Variants in ASH1L observed in about 807,000 individuals in gnomAD.
The protein encoded by ASH1L is ASH1 like histone lysine methyltransferase.
In ASH1L, 23 loss-of-function variants were observed where a neutral mutation model predicts 269.0. The observed-to-expected ratio is 0.09, with a 90% CI of 0.06 to 0.12. ASH1L has a LOEUF of 0.12. ASH1L is among the 10% of genes least tolerant of loss of function. The probability of loss-of-function intolerance (pLI) is 1.00; values close to 1 mark genes in which losing one functional copy is unlikely to be tolerated. For missense variants in ASH1L, 2,912 were observed against 3,567.8 expected (o/e 0.82, Z 4.68); for synonymous variants, 1,187 against 1,253.5 (o/e 0.95, Z 1.12).
intron 2 of ASH1L, among the ~76,000 whole-genome samples, chr1:155,506,851 T>C (rs1036048009): frequency 6.6e-6 from 1 of 152,106 alleles, no homozygotes; most frequent in Non-Finnish European, 1.5e-5. Context: ...CCTAGCACTT[T>C]GAGAGGCTGA....
At chr1:155,525,271 T>C (rs1197816004) in intron 1 of ASH1L, among the ~76,000 whole-genome samples, 1 of 151,516 alleles carries the variant, frequency 6.6e-6, no homozygotes, top group East Asian at 1.9e-4. Context: ...AAAAATAAAC[T>C]CTAAAACAAA....
chr1:155,436,669 C>T (rs1198143713), intron 5 of ASH1L, among the ~76,000 whole-genome samples: 1 of 150,026 alleles, frequency 6.7e-6, no homozygotes. Context: ...GCTAATTTTT[C>T]TATTTTTAGT....
chr1:155,494,458 G>A (rs1667021874), intron 2 of ASH1L, among the ~76,000 whole-genome samples: 1 of 151,986 alleles, frequency 6.6e-6, no homozygotes, highest in African/African-American at 2.4e-5. Flanking sequence ...ATATGTCAAG[G>A]AAAAGACAGA....
At chr1:155,505,329 C>T (rs1571006948) in intron 2 of ASH1L, among the ~76,000 whole-genome samples, 1 of 152,288 alleles carries the variant, frequency 6.6e-6, no homozygotes, top group East Asian at 1.9e-4. Flanking sequence ...TATTCTCTTG[C>T]TCACCACCTT....
chr1:155,501,336 T>C (rs373592687), intron 2 of ASH1L, among the ~76,000 whole-genome samples: 9 of 152,332 alleles, frequency 5.9e-5, no homozygotes, highest in African/African-American at 2.2e-4. Context: ...CATGCCCAAC[T>C]TCAAAATGTT....
chr1:155,425,401 C>A (rs781485291), intron 5 of ASH1L, among the ~76,000 whole-genome samples: 6 of 151,278 alleles, frequency 4.0e-5, no homozygotes, highest in Non-Finnish European at 7.4e-5. Flanking sequence ...CCTCAGCCTC[C>A]AGGTAGCTGG....
intron 2 of ASH1L, among the ~76,000 whole-genome samples, chr1:155,495,112 A>G (rs182599602): frequency 5.3e-4 from 80 of 152,292 alleles, no homozygotes; most frequent in Middle Eastern, 6.8e-3. Context: ...AGGAGCAAAA[A>G]CCTGGTTGAA....
chr1:155,445,237 G>T (rs985311031), intron 4 of ASH1L, among the ~76,000 whole-genome samples: 1 of 151,696 alleles, frequency 6.6e-6, no homozygotes, highest in African/African-American at 2.4e-5. Flanking sequence ...AGGCTGGAGT[G>T]CAATAGCGTG....
chr1:155,339,306 C>A (rs753485684), intron 26 of ASH1L, 22 bp downstream of exon 26: 1 of 1,610,454 alleles, frequency 6.2e-7, no homozygotes, highest in Non-Finnish European at 8.5e-7. Flanking sequence ...TTAGGATCCT[C>A]ATATCCCCCC....
chr1:155,350,397 C>T (rs929046915), intron 17 of ASH1L, among the ~76,000 whole-genome samples: 4 of 152,166 alleles, frequency 2.6e-5, no homozygotes, highest in Middle Eastern at 3.4e-3. Flanking sequence ...GATCAAATGA[C>T]AATTCTAAGA....
At chr1:155,339,783 C>T (rs1652617524) in intron 25 of ASH1L, among the ~76,000 whole-genome samples, 1 of 152,118 alleles carries the variant, frequency 6.6e-6, no homozygotes, top group Admixed American at 6.5e-5. Flanking sequence ...AGGCTACAAG[C>T]CTATATATAC....
intron 1 of ASH1L, among the ~76,000 whole-genome samples, chr1:155,533,647 A>C (rs1571088451): frequency 6.6e-6 from 1 of 151,668 alleles, no homozygotes; most frequent in Non-Finnish European, 1.5e-5. Flanking sequence ...CTGGCAGGCA[A>C]AGGTTGCAGT....
At chr1:155,440,060 A>G (rs1022082070) in intron 4 of ASH1L, among the ~76,000 whole-genome samples, 2 of 152,044 alleles carry the variant, frequency 1.3e-5, no homozygotes, top group African/African-American at 4.8e-5. Flanking sequence ...TGGTACTCTC[A>G]GCATTTTGGG....
chr1:155,559,571 A>G (rs150613244), intron 1 of ASH1L, among the ~76,000 whole-genome samples: 1 of 152,036 alleles, frequency 6.6e-6, no homozygotes, highest in African/African-American at 2.4e-5. Flanking sequence ...GATACAAAAC[A>G]TATTTTTTTA....
At chr1:155,415,150 G>A (rs568913801) in intron 6 of ASH1L, among the ~76,000 whole-genome samples, 1 of 152,128 alleles carries the variant, frequency 6.6e-6, no homozygotes, top group African/African-American at 2.4e-5. Flanking sequence ...TTGGGAGGCC[G>A]AGGCAGGTGG....
rs777174788 is a variant in ASH1L at position 155,349,149 on chromosome 1, CATAG to C, written c.7554+174_7554+177del. Among the ~76,000 whole-genome samples, 6 of 151,936 alleles carry C rather than the reference CATAG, an allele frequency of 3.9e-5. No individual in the cohort carries two copies. The South Asian group carries it at 8.3e-4, about 21-fold the overall frequency. Reference sequence around the variant, plus strand: ...TCCATTCTAGTCCTATCAATGTCTTCATAGATAGCCTTCTATAATATTTAGTATA... The same window carrying C: ...TCCATTCTAGTCCTATCAATGTCTTCATAGCCTTCTATAATATTTAGTATA... On this transcript the variant is annotated intron_variant, in intron 19 of 27. Coordinates refer to ENST00000392403, the MANE Select transcript of ASH1L (RefSeq NM_018489.3).
intron 7 of ASH1L, 109 bp from the exon 8 acceptor site, chr1:155,380,225 T>A: frequency 1.3e-6 from 1 of 755,440 alleles, no homozygotes; most frequent in Non-Finnish European, 2.1e-6. Context: ...AATAAAGATT[T>A]AATTCTTTAA....
intron 17 of ASH1L, among the ~76,000 whole-genome samples, chr1:155,352,006 T>A (rs1653972598): frequency 6.6e-6 from 1 of 152,134 alleles, no homozygotes. Context: ...TTACTCTGTA[T>A]TATGAAAATG....
intron 7 of ASH1L, among the ~76,000 whole-genome samples, chr1:155,384,183 T>A (rs754376298): frequency 5.9e-5 from 9 of 152,212 alleles, no homozygotes; most frequent in South Asian, 2.1e-4. Context: ...GTCTTTTTTT[T>A]AAAATTGTTT....
Sources: gnomAD v4.1 joint callset for allele counts (sites outside exome capture counted in the v4.1 genomes callset) on GRCh38, gnomAD v4.1.1 for gene constraint, MANE v1.5 for transcripts, NCBI Gene and HGNC (gene_info 2026-07-23, HGNC 2026-07-21) for gene names.